The following PCDH9 variants were observed in gnomAD, a reference collection of about 807,000 sequenced individuals.
PCDH9 encodes the protein protocadherin-9.
PCDH9 carries 24 observed loss-of-function variants against 70.6 expected under a neutral mutation model. The ratio of observed to expected loss-of-function variants is 0.34; its 90% CI spans 0.25 to 0.48. The LOEUF is 0.48. PCDH9 is among the 20% of genes least tolerant of loss of function. PCDH9 has a pLI of 0.99. For synonymous variants in PCDH9, 562 were observed against 558.5 expected (o/e 1.01, Z -0.09); for missense variants, 1,281 against 1,503.6 (o/e 0.85, Z 2.45).
intron 3 of PCDH9, among the ~76,000 whole-genome samples, chr13:66,781,076 T>C (rs2079990798): frequency 1.3e-5 from 2 of 152,314 alleles, no homozygotes; most frequent in Admixed American, 6.5e-5. Flanking sequence ...ATAAGTTGTG[T>C]AGAAGTAAGT....
intron 2 of PCDH9, among the ~76,000 whole-genome samples, chr13:66,907,191 G>A (rs563242597): frequency 2.6e-5 from 4 of 152,154 alleles, no homozygotes; most frequent in South Asian, 2.1e-4. Context: ...GCGACAGAAC[G>A]AGATTCTGCC....
At chr13:67,143,790 C>A (rs959989118) in intron 2 of PCDH9, among the ~76,000 whole-genome samples, 15 of 152,120 alleles carry the variant, frequency 9.9e-5, no homozygotes, top group Non-Finnish European at 2.9e-5. Context: ...ATAGCCTCCT[C>A]ATGACAGAGG....
chr13:66,398,996 C>T (rs1957146615), intron 4 of PCDH9, among the ~76,000 whole-genome samples: 1 of 152,250 alleles, frequency 6.6e-6, no homozygotes, highest in African/African-American at 2.4e-5. Context: ...TGGAATTAGA[C>T]ACACCTGTAA....
chr13:66,465,189 T>C (rs900559799), intron 4 of PCDH9, among the ~76,000 whole-genome samples: 1 of 151,826 alleles, frequency 6.6e-6, no homozygotes, highest in African/African-American at 2.4e-5. Context: ...CCTGTGAAAA[T>C]CAAAAGTATT....
At chr13:66,772,938 G>A (rs563764339) in intron 3 of PCDH9, among the ~76,000 whole-genome samples, 17 of 151,788 alleles carry the variant, frequency 1.1e-4, no homozygotes, top group Non-Finnish European at 2.4e-4. Context: ...CACAAGTATA[G>A]TTTCAGTCAT....
At chr13:66,393,408 G>C (rs1593905637) in intron 4 of PCDH9, among the ~76,000 whole-genome samples, 1 of 152,158 alleles carries the variant, frequency 6.6e-6, no homozygotes, top group Non-Finnish European at 1.5e-5. Flanking sequence ...TTTCTTCAAA[G>C]CTCTACAGGG....
intron 4 of PCDH9, among the ~76,000 whole-genome samples, chr13:66,433,508 C>A (rs1957811560): frequency 6.7e-6 from 1 of 149,496 alleles, no homozygotes; most frequent in South Asian, 2.2e-4. Context: ...TGCCTACATG[C>A]TAATATGAAC....
At chr13:66,495,729 C>T (rs1397543010) in intron 4 of PCDH9, among the ~76,000 whole-genome samples, 2 of 152,182 alleles carry the variant, frequency 1.3e-5, no homozygotes, top group African/African-American at 2.4e-5. Context: ...GCATTTCTGC[C>T]TGTCATCCCC....
intron 3 of PCDH9, among the ~76,000 whole-genome samples, chr13:66,764,768 C>T (rs1008461159): frequency 2.4e-4 from 37 of 151,840 alleles, no homozygotes; most frequent in African/African-American, 7.3e-4. Flanking sequence ...TACAACTTTG[C>T]GCCATTATTA....
intron 2 of PCDH9, chr13:67,216,814 A>C (rs968659388): frequency 6.6e-6 from 1 of 151,362 alleles, no homozygotes; most frequent in Non-Finnish European, 1.5e-5. Context: ...AATATAGTCC[A>C]CCTAGTGAAT....
At position 66,631,385 on chromosome 13, in the gene PCDH9, G is replaced by T; in HGVS notation, c.3165C>A (p.Leu1055=). 5 of 1,611,148 alleles carry T rather than the reference G, an allele frequency of 3.1e-6. No individual in the cohort carries two copies. Among genetic ancestry groups the T allele is most frequent in the Non-Finnish European group, 4.2e-6 (5 of 1,177,314 alleles). ...TGCAGCTTTCCTGGGAGCCATCAGG[G>T]AGATGAAACGTAACACGGCGCTGCG... ...YESQRRVTFH[L]PDGSQESCSD... The change falls in exon 4 of 5, where the codon CTC becomes CTA. Residue 1055 remains leucine (L), a synonymous_variant. Coordinates refer to ENST00000377865, the MANE Select transcript of PCDH9 (RefSeq NM_203487.3).
At chr13:67,094,620 G>A (rs903619817) in intron 2 of PCDH9, among the ~76,000 whole-genome samples, 2 of 151,310 alleles carry the variant, frequency 1.3e-5, no homozygotes, top group African/African-American at 4.9e-5. Flanking sequence ...CAGCACTGTT[G>A]GACCACCTAC....
chr13:66,505,585 A>G (rs1439500254), intron 4 of PCDH9, among the ~76,000 whole-genome samples: 3 of 152,156 alleles, frequency 2.0e-5, no homozygotes, highest in Non-Finnish European at 4.4e-5. Context: ...CCTCACAATC[A>G]TGGTGGAAGG....
At chr13:67,027,889 G>C (rs976862222) in intron 2 of PCDH9, among the ~76,000 whole-genome samples, 35 of 151,874 alleles carry the variant, frequency 2.3e-4, no homozygotes, top group African/African-American at 7.7e-4. Context: ...ATACCAGTTA[G>C]AATGGCAATC....
chr13:67,047,069 C>T lies in PCDH9; in HGVS notation c.3037-143464G>A, dbSNP rs138169032. 7.2e-5 allele frequency among the ~76,000 whole-genome samples: 11 copies of T among 152,230 alleles called. No individual in the cohort carries two copies. In the East Asian group the frequency reaches 1.5e-3, roughly 21 times the overall value. ...TGTGTAAGATATGATACATATATTA[C>T]GTATTAAAGTGCTAATGGGGAAAGA... On this transcript the variant is annotated intron_variant, in intron 2 of 4. Transcript: ENST00000377865.
intron 3 of PCDH9, among the ~76,000 whole-genome samples, chr13:66,758,131 T>C (rs2079565575): frequency 6.6e-6 from 1 of 152,110 alleles, no homozygotes; most frequent in African/African-American, 2.4e-5. Flanking sequence ...CATGCTGTTA[T>C]GAAGTATATA....
At chr13:66,821,549 T>G (rs1157125463) in intron 3 of PCDH9, among the ~76,000 whole-genome samples, 3 of 152,174 alleles carry the variant, frequency 2.0e-5, no homozygotes, top group Non-Finnish European at 4.4e-5. Flanking sequence ...GTATTTTAAA[T>G]GGTATTCTTA....
At chr13:66,345,189 G>A (rs1388252489) in intron 4 of PCDH9, among the ~76,000 whole-genome samples, 1 of 152,122 alleles carries the variant, frequency 6.6e-6, no homozygotes, top group African/African-American at 2.4e-5. Context: ...TGTTGCTTTA[G>A]CAGTTGCCAA....
At chr13:66,821,038 A>G (rs2080703600) in intron 3 of PCDH9, among the ~76,000 whole-genome samples, 1 of 152,194 alleles carries the variant, frequency 6.6e-6, no homozygotes, top group Non-Finnish European at 1.5e-5. Flanking sequence ...AAATTATTCT[A>G]TTCATAAGCT....
Sources: allele counts gnomAD v4.1 joint callset (sites outside exome capture counted in the v4.1 genomes callset), GRCh38; gene constraint gnomAD v4.1.1; transcripts MANE v1.5; gene names NCBI Gene and HGNC (gene_info 2026-07-23, HGNC 2026-07-21).